MKLN1: variants seen among roughly 807,000 people sequenced by gnomAD.
The protein encoded by MKLN1 is muskelin.
In MKLN1, 18 loss-of-function variants were observed where a neutral mutation model predicts 99.0. The ratio of observed to expected loss-of-function variants is 0.18; its 90% CI spans 0.13 to 0.27. MKLN1 has a LOEUF of 0.27. Among genes scored for constraint, MKLN1 ranks in the 10% least tolerant of loss-of-function variants. The pLI is 1.00. For missense variants in MKLN1, 621 were observed against 875.9 expected, an observed-to-expected ratio of 0.71 and a Z score of 3.67; for synonymous variants, 288 against 293.2, an observed-to-expected ratio of 0.98 and a Z score of 0.18.
At chr7:131,409,946 G>A (rs925963322) in intron 6 of MKLN1, among the ~76,000 whole-genome samples, 1 of 152,116 alleles carries the variant, frequency 6.6e-6, no homozygotes. Flanking sequence ...TACATTACAT[G>A]CAGATATTCC....
At chr7:131,302,335 G>A (rs1446698924) in intron 3 of MKLN1, among the ~76,000 whole-genome samples, 2 of 152,162 alleles carry the variant, frequency 1.3e-5, no homozygotes, top group Admixed American at 6.5e-5. Context: ...GAAGCAGGGG[G>A]AAAATGAAAG....
chr7:131,246,812 T>C (rs1797496476), intron 3 of MKLN1, among the ~76,000 whole-genome samples: 1 of 152,126 alleles, frequency 6.6e-6, no homozygotes, highest in African/African-American at 2.4e-5. Flanking sequence ...ATCTATTAAA[T>C]TCTGAGTTTG....
Position 131,473,395 on chromosome 7 carries a change from A to G in MKLN1, c.2031+2451A>G, listed in dbSNP as rs187467086. Among the ~76,000 whole-genome samples, 16 of 152,234 alleles carry G rather than the reference A, an allele frequency of 1.1e-4. No homozygotes were observed. In the East Asian group the frequency reaches 2.5e-3, roughly 24 times the overall value. On this transcript the variant is annotated intron_variant, in intron 16 of 17. Transcript: ENST00000352689. ...TTTTTTCACAGTTGTTATGATCATC[A>G]TCATTGTGCCTGTTGTCAGGACATT...
rs150745980 is a variant in MKLN1, at chr7:131,385,017, T to C, written c.169-2103T>C. ...TTTCATTGTCCACAAAGAAACTTCATATACCCAGTAAGGAGTATCTCCTTT... is the reference window on the plus strand; with the variant it reads ...TTTCATTGTCCACAAAGAAACTTCACATACCCAGTAAGGAGTATCTCCTTT... On this transcript the variant is annotated intron_variant, in intron 2 of 17. Transcript: ENST00000352689. 8.4e-3 allele frequency among the ~76,000 whole-genome samples: 1,275 copies of C among 152,362 alleles called. 10 individuals carry two copies. The highest frequency in any genetic ancestry group is 0.014 in the Non-Finnish European group (948 of 68,030).
intron 12 of MKLN1, among the ~76,000 whole-genome samples, chr7:131,453,614 A>C (rs1276694210): frequency 1.3e-5 from 2 of 152,150 alleles, no homozygotes; most frequent in Non-Finnish European, 2.9e-5. Flanking sequence ...AGGTGAACTT[A>C]AGTTTCATAC....
At chr7:131,288,894 A>G (rs566028207) in intron 3 of MKLN1, among the ~76,000 whole-genome samples, 5 of 151,842 alleles carry the variant, frequency 3.3e-5, no homozygotes, top group Middle Eastern at 3.4e-3. Flanking sequence ...CTCTCTTTGT[A>G]TTTCATATTC....
At chr7:131,378,309 A>C (rs890109343) in intron 2 of MKLN1, among the ~76,000 whole-genome samples, 1 of 152,134 alleles carries the variant, frequency 6.6e-6, no homozygotes. Flanking sequence ...ACTGGGTTTC[A>C]CCATGTTGGT....
chr7:131,228,858 T>C (rs1797197153), intron 3 of MKLN1, among the ~76,000 whole-genome samples: 1 of 152,194 alleles, frequency 6.6e-6, no homozygotes, highest in Non-Finnish European at 1.5e-5. Context: ...ATCTTGTAAG[T>C]AGGATTGGAC....
At chr7:131,337,773 A>AT (rs1454209951) in intron 1 of MKLN1, among the ~76,000 whole-genome samples, 2 of 150,610 alleles carry the variant, frequency 1.3e-5, no homozygotes, top group African/African-American at 4.9e-5. Context: ...TATATATTCT[A>AT]TTGTATATTA....
At chr7:131,393,790 G>A (rs1216416879) in intron 4 of MKLN1, among the ~76,000 whole-genome samples, 4 of 151,688 alleles carry the variant, frequency 2.6e-5, no homozygotes, top group Non-Finnish European at 5.9e-5. Context: ...ATGCCCAGCT[G>A]ATTTTTAATT....
chr7:131,396,676 T>G (rs1334026360), intron 4 of MKLN1, among the ~76,000 whole-genome samples: 1 of 152,184 alleles, frequency 6.6e-6, no homozygotes, highest in Non-Finnish European at 1.5e-5. Context: ...GTGTTTTTTC[T>G]TTTATTTTGT....
At chr7:131,248,619 AC>A (rs1321034778) in intron 3 of MKLN1, among the ~76,000 whole-genome samples, 7 of 151,416 alleles carry the variant, frequency 4.6e-5, no homozygotes, top group Admixed American at 6.6e-5. Context: ...CTCTGTGTAA[AC>A]CCTTTACTGG....
chr7:131,362,433 G>T, intron 1 of MKLN1, among the ~76,000 whole-genome samples: 1 of 151,906 alleles, frequency 6.6e-6, no homozygotes, highest in East Asian at 1.9e-4. Flanking sequence ...TTTCTATCTG[G>T]AAGCTCAAGG....
At chr7:131,216,448 A>T (rs1473188293) in intron 3 of MKLN1, among the ~76,000 whole-genome samples, 1 of 151,854 alleles carries the variant, frequency 6.6e-6, no homozygotes, top group Non-Finnish European at 1.5e-5. Flanking sequence ...GAAAAAAAAG[A>T]AAGTTTATTA....
At chr7:131,396,679 T>C (rs1794372194) in intron 4 of MKLN1, among the ~76,000 whole-genome samples, 1 of 152,218 alleles carries the variant, frequency 6.6e-6, no homozygotes, top group Non-Finnish European at 1.5e-5. Flanking sequence ...TTTTTTCTTT[T>C]ATTTTGTTAA....
chr7:131,491,239 C>T lies in MKLN1; in HGVS notation c.*3511C>T, dbSNP rs896534655. On this transcript the variant is annotated 3_prime_UTR_variant, in exon 18 of 18. Coordinates refer to ENST00000352689, the MANE Select transcript of MKLN1 (RefSeq NM_013255.5). ...TAACTATTAAAAAAAAAACACCCTT[C>T]CTAACCCTTCTTTTCTTAAAATTCC... 6.6e-6 allele frequency: 1 copy of T among 151,992 alleles called. No individual in the cohort carries two copies. Among genetic ancestry groups the T allele is most frequent in the African/African-American group, 2.4e-5 (1 of 41,404 alleles). The allele number at this position is 151,992 out of a possible 1,614,324, so 9.4% of individuals were successfully genotyped here.
chr7:131,440,913 A>G (rs186700842), intron 10 of MKLN1, among the ~76,000 whole-genome samples: 2 of 152,336 alleles, frequency 1.3e-5, no homozygotes, highest in East Asian at 3.9e-4. Context: ...TATAAAAGAT[A>G]AGAGATCATT....
chr7:131,411,073 G>A lies in MKLN1; in HGVS notation c.704-233G>A, dbSNP rs71578973. The stretch of plus-strand genomic sequence containing the variant: ...GAGAAACATAGTACGTTTAATATGA[G>A]CTTCCCCTAAAGCAATTTGTTTGCA... On this transcript the variant is annotated intron_variant, in intron 6 of 17. Coordinates refer to ENST00000352689, the MANE Select transcript of MKLN1 (RefSeq NM_013255.5). Among the ~76,000 whole-genome samples, 314 of 152,070 alleles carry A rather than the reference G, an allele frequency of 2.1e-3. 1 individual carries two copies. Among genetic ancestry groups the A allele is most frequent in the Non-Finnish European group, 3.3e-3 (222 of 67,970 alleles).
intron 2 of MKLN1, among the ~76,000 whole-genome samples, chr7:131,177,233 G>C (rs1197261225): frequency 6.6e-6 from 1 of 152,146 alleles, no homozygotes; most frequent in Non-Finnish European, 1.5e-5. Flanking sequence ...ACTTTGGGAG[G>C]TCAAGGAGGG....
Sources: allele counts gnomAD v4.1 joint callset (sites outside exome capture counted in the v4.1 genomes callset), GRCh38; gene constraint gnomAD v4.1.1; transcripts MANE v1.5; gene names NCBI Gene and HGNC (gene_info 2026-07-23, HGNC 2026-07-21).